BIRC6: variants seen among roughly 807,000 people sequenced by gnomAD.
BIRC6 encodes the protein baculoviral IAP repeat containing 6.
Under a neutral mutation model 503.3 loss-of-function variants are expected in BIRC6, and 98 were observed. That is an observed-to-expected ratio of 0.19 (90% CI 0.17 to 0.23). The LOEUF (loss-of-function observed/expected upper bound fraction) is 0.23, where lower values mean the gene tolerates loss of function less well. Ranked by LOEUF, BIRC6 falls within the 10% of genes least tolerant of loss-of-function variation. The pLI is 1.00. For missense variants in BIRC6, 5,360 were observed against 5,806.0 expected, an observed-to-expected ratio of 0.92 and a Z score of 2.50; for synonymous variants, 2,240 against 2,078.7, an observed-to-expected ratio of 1.08 and a Z score of -2.11.
At chr2:32,493,974 T>C (rs981787121) in intron 45 of BIRC6, among the ~76,000 whole-genome samples, 8 of 152,258 alleles carry the variant, frequency 5.3e-5, no homozygotes, top group African/African-American at 1.9e-4. Context: ...TGAAGCTGTT[T>C]AAACTCTAAA....
At chr2:32,447,417 G>C (rs2046136358) in intron 21 of BIRC6, among the ~76,000 whole-genome samples, 1 of 149,594 alleles carries the variant, frequency 6.7e-6, no homozygotes, top group African/African-American at 2.5e-5. Flanking sequence ...CGGGGCGGCT[G>C]GCCGGGCGGG....
rs1211301160 is a variant in BIRC6, at chr2:32,468,047, A to T, written c.5716A>T (p.Asn1906Tyr). 1.2e-6 allele frequency: 2 copies of T among 1,613,834 alleles called. No homozygotes were observed. The highest frequency in any genetic ancestry group is 2.7e-5 in the African/African-American group (2 of 74,922). The stretch of plus-strand genomic sequence containing the variant: ...TCTAAAGGGAGAGGGAGAATCTGCA[A>T]ACCAGCCAGAAATTGACCAGCATTT... The part of the protein sequence containing the change: ...DPLKGEGESA[N>Y]QPEIDQHLAM... Residue 1906 changes from asparagine (N) to tyrosine (Y), a missense_variant, in exon 28 of 74, where the codon AAC becomes TAC. Transcript: ENST00000421745.
intron 47 of BIRC6, 124 bp downstream of exon 47, chr2:32,502,012 C>T (rs2149474722): frequency 1.1e-6 from 1 of 918,672 alleles, no homozygotes; most frequent in Non-Finnish European, 1.5e-6. Flanking sequence ...AGCATCAGTA[C>T]AAGAGGGCTG....
chr2:32,398,123 A>G (rs1255291221), intron 6 of BIRC6, among the ~76,000 whole-genome samples: 11 of 149,878 alleles, frequency 7.3e-5, no homozygotes, highest in African/African-American at 2.7e-4. Flanking sequence ...GCGAGTTGAT[A>G]GAGAGTTACT....
chr2:32,454,207 T>C (rs760597125), intron 23 of BIRC6, among the ~76,000 whole-genome samples: 5 of 152,170 alleles, frequency 3.3e-5, no homozygotes, highest in Non-Finnish European at 5.9e-5. Flanking sequence ...TCAGAAATTT[T>C]TTAATTTGAA....
At chr2:32,539,615 A>G (rs771109466) in intron 61 of BIRC6, among the ~76,000 whole-genome samples, 1 of 152,182 alleles carries the variant, frequency 6.6e-6, no homozygotes, top group Non-Finnish European at 1.5e-5. Context: ...ATACTACAAG[A>G]TATTTCAAAA....
intron 65 of BIRC6, among the ~76,000 whole-genome samples, chr2:32,562,464 A>T (rs533674640): frequency 1.3e-5 from 2 of 152,228 alleles, no homozygotes; most frequent in African/African-American, 4.8e-5. Context: ...AACTAAATTT[A>T]TAGTTGAAAT....
intron 23 of BIRC6, among the ~76,000 whole-genome samples, chr2:32,459,232 A>G (rs1032572738): frequency 3.9e-5 from 6 of 152,318 alleles, no homozygotes; most frequent in Middle Eastern, 3.4e-3. Flanking sequence ...CTTGGCAACC[A>G]GTAGATTGGA....
chr2:32,369,926 T>TAAAAAAAAAAAAAA (rs756693528), intron 1 of BIRC6, among the ~76,000 whole-genome samples: 1 of 37,792 alleles, frequency 2.6e-5, no homozygotes, highest in African/African-American at 1.2e-4. Context: ...CCCTGTCTCT[T>TAAAAAAAAAAAAAA]AAAAAAAAAA....
chr2:32,509,679 C>G, intron 51 of BIRC6, 59 bp from the exon 52 acceptor site: 2 of 1,585,666 alleles, frequency 1.3e-6, no homozygotes, highest in Non-Finnish European at 1.7e-6. Context: ...AAGTTATGTT[C>G]TACCCCGAAG....
intron 9 of BIRC6, among the ~76,000 whole-genome samples, chr2:32,409,284 C>G (rs527303516): frequency 6.6e-6 from 1 of 152,064 alleles, no homozygotes; most frequent in South Asian, 2.1e-4. Flanking sequence ...CTCAGCCTCC[C>G]GAGTAGCTGG....
intron 9 of BIRC6, among the ~76,000 whole-genome samples, chr2:32,408,701 C>T (rs1296137434): frequency 6.6e-6 from 1 of 152,094 alleles, no homozygotes; most frequent in African/African-American, 2.4e-5. Flanking sequence ...ATACTGTAAT[C>T]ATGTTTACTT....
At chr2:32,465,882 G>C (rs2048489973) in intron 26 of BIRC6, among the ~76,000 whole-genome samples, 1 of 150,768 alleles carries the variant, frequency 6.6e-6, no homozygotes, top group Non-Finnish European at 1.5e-5. Context: ...GAGGGAGTTT[G>C]AAAGCTAAAA....
At chr2:32,548,363 TA>T in intron 64 of BIRC6, among the ~76,000 whole-genome samples, 1 of 143,662 alleles carries the variant, frequency 7.0e-6, no homozygotes, top group Non-Finnish European at 1.5e-5. Flanking sequence ...TTTGGTTGCT[TA>T]CTTTTTTTTT....
intron 29 of BIRC6, 113 bp downstream of exon 29, chr2:32,468,896 A>T (rs1367168225): frequency 5.0e-6 from 4 of 798,516 alleles, no homozygotes; most frequent in Non-Finnish European, 7.6e-6. Context: ...TATTTTAAAA[A>T]ATGTCAGTAT....
rs2062555564 is a variant in BIRC6 at position 32,607,533 on chromosome 2, A to C, written c.14149A>C (p.Thr4717Pro). ...ACCGGGATATGAACGGTCTAGAGGC[A>C]CTCCCAGTGGCACACAGAGTTCTCG... ...NEPGYERSRG[T>P]PSGTQSSREY... Residue 4717 changes from threonine (T) to proline (P), a missense_variant, in exon 72 of 74, where the codon ACT (threonine) becomes CCT (proline). Around this residue, in one of 16 missense-constraint regions of BIRC6, gnomAD observed 40 missense variants for 53.4 expected, o/e 0.75. Coordinates refer to ENST00000421745, the MANE Select transcript of BIRC6 (RefSeq NM_016252.4). 6.2e-7 allele frequency: 1 copy of C among 1,613,692 alleles called. No homozygotes were observed. Among genetic ancestry groups the C allele is most frequent in the African/African-American group, 1.3e-5 (1 of 74,916 alleles).
chr2:32,571,402 T>TTTTTTTTTG (rs2059906741), intron 65 of BIRC6, among the ~76,000 whole-genome samples: 1 of 145,160 alleles, frequency 6.9e-6, no homozygotes, highest in Non-Finnish European at 1.5e-5. Context: ...TTTTTTTTTT[T>TTTTTTTTTG]GTTGGGAGAT....
At chr2:32,556,529 T>G (rs975416766) in intron 65 of BIRC6, among the ~76,000 whole-genome samples, 1 of 152,228 alleles carries the variant, frequency 6.6e-6, no homozygotes, top group Admixed American at 6.5e-5. Flanking sequence ...CTCCATTTCT[T>G]CTATGAAACA....
chr2:32,516,017 A>C (rs767838464), intron 55 of BIRC6, among the ~76,000 whole-genome samples: 3 of 152,208 alleles, frequency 2.0e-5, no homozygotes, highest in African/African-American at 2.4e-5. Flanking sequence ...CCTTATTTTC[A>C]AAAATTTCTA....
Sources: allele counts gnomAD v4.1 joint callset (sites outside exome capture counted in the v4.1 genomes callset), GRCh38; gene constraint gnomAD v4.1.1; regional missense constraint gnomAD v4.1.1; transcripts MANE v1.5; gene names NCBI Gene and HGNC (gene_info 2026-07-23, HGNC 2026-07-21).